The following ZNF676 variants were observed in gnomAD, a reference collection of about 807,000 sequenced individuals.
ZNF676 encodes zinc finger protein 676.
A neutral mutation model predicts 6.0 loss-of-function variants in ZNF676; 4 were observed. The observed-to-expected ratio is 0.67, with a 90% CI of 0.33 to 1.53. The LOEUF is 1.53. Ranked by LOEUF, ZNF676 falls within the 40% of genes most tolerant of loss-of-function variation. The pLI is 0.06. For synonymous variants in ZNF676, 198 were observed against 223.1 expected, an observed-to-expected ratio of 0.89 and a Z score of 1.00; for missense variants, 644 against 679.7, an observed-to-expected ratio of 0.95 and a Z score of 0.58.
the ZNF676 span, among the ~76,000 whole-genome samples, chr19:22,236,874 A>G: frequency 1.3e-5 from 2 of 152,188 alleles, no homozygotes; most frequent in Admixed American, 6.5e-5. Context: ...GCTGTCCATT[A>G]CAGTAGCTAT....
chr19:22,207,791 C>T (rs1384994858), intron 1 of ZNF676, among the ~76,000 whole-genome samples: 1 of 152,016 alleles, frequency 6.6e-6, no homozygotes, highest in Non-Finnish European at 1.5e-5. Context: ...GAAATAATGC[C>T]ACACACCTAA....
At chr19:22,250,079 G>C in the ZNF676 span, among the ~76,000 whole-genome samples, 1 of 151,904 alleles carries the variant, frequency 6.6e-6, no homozygotes, top group Non-Finnish European at 1.5e-5. Context: ...ATACTAGGGA[G>C]GCTGAGGCAG....
upstream of ZNF676, among the ~76,000 whole-genome samples, chr19:22,197,466 A>ATT (rs11340000): frequency 6.7e-6 from 1 of 149,066 alleles, no homozygotes; most frequent in Admixed American, 6.7e-5. Flanking sequence ...TGTTAATGCA[A>ATT]TTTTTTTTTT....
chr19:22,246,542 G>A, the ZNF676 span, among the ~76,000 whole-genome samples: 1 of 152,110 alleles, frequency 6.6e-6, no homozygotes, highest in Non-Finnish European at 1.5e-5. Flanking sequence ...CATAACCCAG[G>A]GGCTGAGCCC....
chr19:22,182,615 A>AG (rs913484405), intron 2 of ZNF676, among the ~76,000 whole-genome samples: 1 of 149,486 alleles, frequency 6.7e-6, no homozygotes, highest in Non-Finnish European at 1.5e-5. Context: ...AAACAAAAAA[A>AG]AGAAGCTATA....
chr19:22,225,855 G>A, the ZNF676 span, among the ~76,000 whole-genome samples: 1 of 151,822 alleles, frequency 6.6e-6, no homozygotes, highest in Non-Finnish European at 1.5e-5. Context: ...TCTATCACAT[G>A]TGATTTGCAA....
At chr19:22,211,686 A>G (rs1387526998) in intron 1 of ZNF676, among the ~76,000 whole-genome samples, 2 of 152,178 alleles carry the variant, frequency 1.3e-5, no homozygotes, top group Non-Finnish European at 2.9e-5. Context: ...AAATCAAAAT[A>G]ACAGGATATA....
the ZNF676 span, chr19:22,243,229 T>G: frequency 1.3e-5 from 2 of 151,962 alleles, no homozygotes; most frequent in Non-Finnish European, 1.5e-5. Flanking sequence ...GGCAGGAGAC[T>G]CAGTCACTGT....
chr19:22,195,728 C>T (rs1452435160), intron 1 of ZNF676, among the ~76,000 whole-genome samples: 1 of 152,184 alleles, frequency 6.6e-6, no homozygotes. Flanking sequence ...TCATTTAAAT[C>T]ACACTCATAT....
intron 2 of ZNF676, among the ~76,000 whole-genome samples, chr19:22,186,044 C>T (rs182313708): frequency 6.6e-6 from 1 of 152,040 alleles, no homozygotes; most frequent in Non-Finnish European, 1.5e-5. Context: ...CACAAAGATG[C>T]TCCTCAAGAA....
intron 1 of ZNF676, among the ~76,000 whole-genome samples, chr19:22,196,076 G>A (rs143286967): frequency 1.1e-4 from 16 of 152,220 alleles, no homozygotes; most frequent in Non-Finnish European, 2.2e-4. Flanking sequence ...TGCCCAACCT[G>A]GCCTTACGTT....
the ZNF676 span, among the ~76,000 whole-genome samples, chr19:22,226,598 C>T: frequency 1.4e-5 from 2 of 144,824 alleles, no homozygotes; most frequent in African/African-American, 5.0e-5. Context: ...AGGGATCTTG[C>T]TTTTTTTTTT....
chr19:22,222,547 G>A, the ZNF676 span, among the ~76,000 whole-genome samples: 1 of 152,110 alleles, frequency 6.6e-6, no homozygotes, highest in African/African-American at 2.4e-5. Context: ...CCAGGTTTAT[G>A]TTAAAGTAGA....
chr19:22,198,730 A>G (rs577992017), upstream of ZNF676, among the ~76,000 whole-genome samples: 5 of 152,160 alleles, frequency 3.3e-5, no homozygotes, highest in Admixed American at 6.5e-5. Context: ...ATGAAGAAAC[A>G]ATGAGTAGCT....
chr19:22,213,155 TTC>T (rs2024147760), intron 1 of ZNF676, among the ~76,000 whole-genome samples: 1 of 152,168 alleles, frequency 6.6e-6, no homozygotes, highest in African/African-American at 2.4e-5. Flanking sequence ...TCAATAATCA[TTC>T]TCTCAGGAGA....
chr19:22,207,381 T>C (rs2024086303), intron 1 of ZNF676, among the ~76,000 whole-genome samples: 1 of 152,142 alleles, frequency 6.6e-6, no homozygotes, highest in South Asian at 2.1e-4. Flanking sequence ...GAAATACAGA[T>C]AACCAGAAAG....
At chr19:22,184,057 G>A (rs1428075796) in intron 2 of ZNF676, among the ~76,000 whole-genome samples, 1 of 152,070 alleles carries the variant, frequency 6.6e-6, no homozygotes, top group Non-Finnish European at 1.5e-5. Context: ...TGAAAATAGA[G>A]GAGGCTGGCA....
At chr19:22,256,354 C>T in the ZNF676 span, among the ~76,000 whole-genome samples, 1 of 152,138 alleles carries the variant, frequency 6.6e-6, no homozygotes, top group Non-Finnish European at 1.5e-5. Flanking sequence ...AGAGGACTAT[C>T]ACCTGGGTGC....
At chr19:22,216,455 G>A (rs985882589), upstream of ZNF676, among the ~76,000 whole-genome samples, 4 of 151,156 alleles carry the variant, frequency 2.6e-5, no homozygotes, top group African/African-American at 9.7e-5. Flanking sequence ...GGCAACAAGA[G>A]TGAAACGCCA....
Sources: gnomAD v4.1 joint callset for allele counts (sites outside exome capture counted in the v4.1 genomes callset) on GRCh38, gnomAD v4.1.1 for gene constraint, MANE v1.5 for transcripts, NCBI Gene and HGNC (gene_info 2026-07-23, HGNC 2026-07-21) for gene names.